Variants in PTPRD observed in about 807,000 individuals in gnomAD.
PTPRD encodes the protein receptor-type tyrosine-protein phosphatase delta.
A neutral mutation model predicts 214.5 loss-of-function variants in PTPRD; 34 were observed. The observed-to-expected ratio is 0.16, with a 90% CI of 0.12 to 0.21. The LOEUF (loss-of-function observed/expected upper bound fraction) is 0.21. Ranked by LOEUF, PTPRD falls within the 10% of genes least tolerant of loss-of-function variation. PTPRD has a pLI of 1.00. For missense variants in PTPRD, 2,545 were observed against 2,398.7 expected, an observed-to-expected ratio of 1.06 and a Z score of -1.27; for synonymous variants, 1,128 against 845.7, an observed-to-expected ratio of 1.33 and a Z score of -5.79.
At chr9:10,523,599 CTGTA>C (rs2053128533) in intron 2 of PTPRD, among the ~76,000 whole-genome samples, 1 of 3,920 alleles carries the variant, frequency 2.6e-4, no homozygotes, top group African/African-American at 5.5e-4. Context: ...GTATATTTAT[CTGTA>C]TATATATATA....
chr9:10,560,339 A>G (rs2063612466), intron 2 of PTPRD, among the ~76,000 whole-genome samples: 1 of 152,038 alleles, frequency 6.6e-6, no homozygotes, highest in Non-Finnish European at 1.5e-5. Context: ...ATTCTCACTC[A>G]AAGGTGGGAA....
chr9:9,244,450 T>C (rs113427975), intron 9 of PTPRD, among the ~76,000 whole-genome samples: 1 of 151,888 alleles, frequency 6.6e-6, no homozygotes, highest in African/African-American at 2.4e-5. Context: ...TATAGACCAA[T>C]GGAACAGAAC....
intron 11 of PTPRD, among the ~76,000 whole-genome samples, chr9:8,940,362 A>C (rs1474364893): frequency 3.1e-5 from 4 of 129,246 alleles, no homozygotes; most frequent in Non-Finnish European, 4.7e-5. Context: ...GGCCCACTGC[A>C]ACCTCTGCCT....
chr9:8,587,753 T>C (rs1003118896), intron 14 of PTPRD, among the ~76,000 whole-genome samples: 2 of 152,138 alleles, frequency 1.3e-5, no homozygotes, highest in African/African-American at 4.8e-5. Flanking sequence ...ATTTGAAACA[T>C]GTGTTACAAG....
chr9:9,088,191 A>G (rs1318619248), intron 10 of PTPRD, among the ~76,000 whole-genome samples: 1 of 151,808 alleles, frequency 6.6e-6, no homozygotes, highest in African/African-American at 2.4e-5. Flanking sequence ...CAGAGCCCTA[A>G]ACTTTTGATT....
At chr9:10,536,150 A>C (rs557828529) in intron 2 of PTPRD, among the ~76,000 whole-genome samples, 1 of 152,276 alleles carries the variant, frequency 6.6e-6, no homozygotes, top group East Asian at 1.9e-4. Context: ...AGGCAGGACC[A>C]AGGAATATGT....
chr9:10,042,221 G>A (rs1419554358), intron 3 of PTPRD, among the ~76,000 whole-genome samples: 4 of 151,864 alleles, frequency 2.6e-5, no homozygotes, highest in Admixed American at 6.6e-5. Context: ...TGCCACAGGG[G>A]TCATTTCTCT....
intron 7 of PTPRD, among the ~76,000 whole-genome samples, chr9:9,609,223 C>G (rs1180980059): frequency 6.6e-6 from 1 of 152,072 alleles, no homozygotes; most frequent in Non-Finnish European, 1.5e-5. Context: ...TTTAAAAACT[C>G]AGCATGTACT....
intron 3 of PTPRD, among the ~76,000 whole-genome samples, chr9:10,252,250 G>A (rs1202470548): frequency 6.6e-6 from 1 of 152,174 alleles, no homozygotes; most frequent in Middle Eastern, 3.2e-3. Flanking sequence ...GAAATGGTGT[G>A]TTCTGCAAAG....
intron 11 of PTPRD, among the ~76,000 whole-genome samples, chr9:8,876,849 G>C (rs775864973): frequency 1.3e-5 from 2 of 152,116 alleles, no homozygotes; most frequent in Non-Finnish European, 2.9e-5. Context: ...ATTAGGGAAA[G>C]TAAATTGTGT....
intron 9 of PTPRD, among the ~76,000 whole-genome samples, chr9:9,251,863 T>C (rs1314956619): frequency 6.6e-6 from 1 of 152,132 alleles, no homozygotes; most frequent in Non-Finnish European, 1.5e-5. Flanking sequence ...GCAGCAGTCT[T>C]AACTACGCAT....
chr9:10,531,015 T>C (rs113886553), intron 2 of PTPRD, among the ~76,000 whole-genome samples: 7,870 of 152,106 alleles, frequency 0.052, 317 homozygotes, highest in African/African-American at 0.11. Flanking sequence ...CACTGTGCGA[T>C]TGTGGCTCAC....
chr9:9,711,140 T>A (rs1479937299), intron 7 of PTPRD, among the ~76,000 whole-genome samples: 1 of 152,214 alleles, frequency 6.6e-6, no homozygotes, highest in Non-Finnish European at 1.5e-5. Flanking sequence ...TTGTTTTTAC[T>A]AATCATTCTA....
chr9:8,556,215 A>G lies in PTPRD; in HGVS notation c.353-27436T>C, dbSNP rs114345048. Among the ~76,000 whole-genome samples, 910 of 152,346 alleles carry G rather than the reference A, an allele frequency of 6.0e-3. 18 individuals are homozygous for G. The highest frequency in any genetic ancestry group is 0.021 in the African/African-American group (868 of 41,568). ...TGCAGATTAAAGGCATTTTGTGCAT[A>G]TAAGTCTGGTCTCTTAGGCAGCATT... On this transcript the variant is annotated intron_variant, in intron 14 of 45. Transcript: ENST00000381196.
Position 10,226,900 on chromosome 9 carries a change from A to AT in PTPRD, c.-545+114062dup, listed in dbSNP as rs568449326. Among the ~76,000 whole-genome samples the AT allele has an allele frequency of 1.8e-4, 27 of 152,096 alleles. No homozygotes were observed. The South Asian group carries it at 3.5e-3, about 20-fold the overall frequency. ...GAAAATGTTTTATAATATACTCCTT[A>AT]TTTTTCAACTATTTGGGGGGTAAAT... On this transcript the variant is annotated intron_variant, in intron 3 of 45. Transcript: ENST00000381196.
intron 14 of PTPRD, among the ~76,000 whole-genome samples, chr9:8,539,999 T>C (rs2140156667): frequency 6.6e-6 from 1 of 152,210 alleles, no homozygotes; most frequent in East Asian, 1.9e-4. Flanking sequence ...CCATTGTAGT[T>C]AGGTAGGAGA....
intron 2 of PTPRD, among the ~76,000 whole-genome samples, chr9:10,538,194 C>T (rs2058275626): frequency 6.6e-6 from 1 of 150,808 alleles, no homozygotes; most frequent in African/African-American, 2.4e-5. Flanking sequence ...CCATCCTTGG[C>T]CATGAGACGA....
At chr9:9,980,810 G>C (rs148743334) in intron 4 of PTPRD, among the ~76,000 whole-genome samples, 2 of 151,704 alleles carry the variant, frequency 1.3e-5, no homozygotes, top group African/African-American at 4.8e-5. Flanking sequence ...ATTAGGCAAA[G>C]CGTATTTATA....
intron 2 of PTPRD, among the ~76,000 whole-genome samples, chr9:10,393,211 T>G (rs2098104805): frequency 6.6e-6 from 1 of 151,848 alleles, no homozygotes; most frequent in African/African-American, 2.4e-5. Flanking sequence ...TCCATAGTAA[T>G]AAACTTCTGT....
Sources: gnomAD v4.1 joint callset for allele counts (sites outside exome capture counted in the v4.1 genomes callset) on GRCh38, gnomAD v4.1.1 for gene constraint, MANE v1.5 for transcripts, NCBI Gene and HGNC (gene_info 2026-07-23, HGNC 2026-07-21) for gene names.